Variants in CCDC178 observed in about 807,000 individuals in gnomAD.
CCDC178 encodes the protein coiled-coil domain-containing protein 178.
Under a neutral mutation model 117.4 loss-of-function variants are expected in CCDC178, and 126 were observed. The observed-to-expected ratio is 1.07, with a 90% CI of 0.93 to 1.24. The LOEUF (loss-of-function observed/expected upper bound fraction) is 1.24. Among genes scored for constraint, CCDC178 ranks in the 50% most tolerant of loss-of-function variants. CCDC178 has a pLI of 0.00. For synonymous variants in CCDC178, 283 were observed against 313.4 expected, an observed-to-expected ratio of 0.90 and a Z score of 1.02; for missense variants, 1,030 against 986.9, an observed-to-expected ratio of 1.04 and a Z score of -0.59.
At chr18:33,362,875 C>T (rs1342796387) in intron 6 of CCDC178, among the ~76,000 whole-genome samples, 6 of 151,940 alleles carry the variant, frequency 3.9e-5, no homozygotes, top group Admixed American at 1.3e-4. Flanking sequence ...CTAAATGTTA[C>T]GGAGTTGCTC....
intron 21 of CCDC178, among the ~76,000 whole-genome samples, chr18:33,076,593 A>G (rs1373499596): frequency 6.6e-6 from 1 of 152,084 alleles, no homozygotes; most frequent in Admixed American, 6.6e-5. Context: ...TGTGTGATAT[A>G]TTTGTCAGCA....
chr18:32,982,411 A>G (rs1037105031), intron 21 of CCDC178, among the ~76,000 whole-genome samples: 3 of 152,154 alleles, frequency 2.0e-5, no homozygotes, highest in Non-Finnish European at 2.9e-5. Context: ...CTGAAAACAA[A>G]AAGTCCTTTA....
intron 14 of CCDC178, among the ~76,000 whole-genome samples, chr18:33,246,042 G>A (rs1013501891): frequency 4.6e-5 from 7 of 151,720 alleles, no homozygotes; most frequent in Non-Finnish European, 8.8e-5. Flanking sequence ...ATAAAGCAAT[G>A]GTTCTCAACA....
chr18:33,427,966 T>C (rs1278880004), intron 2 of CCDC178, among the ~76,000 whole-genome samples: 1 of 152,250 alleles, frequency 6.6e-6, no homozygotes, highest in Non-Finnish European at 1.5e-5. Flanking sequence ...AAATATAAAG[T>C]ACTTACATCA....
rs923437576 is a variant in CCDC178 at position 33,339,194 on chromosome 18, A to C, written c.659-5800T>G. Among the ~76,000 whole-genome samples the C allele has an allele frequency of 6.6e-5, 10 of 152,108 alleles. No individual in the cohort carries two copies. The South Asian group carries it at 1.2e-3, about 19-fold the overall frequency. Reference sequence around the variant, plus strand: ...CAAAGCATCTAATTTATAAAAAGAGAAATATAGAGGTTTAAATTATTCCCA... The same window carrying C: ...CAAAGCATCTAATTTATAAAAAGAGCAATATAGAGGTTTAAATTATTCCCA... On this transcript the variant is annotated intron_variant, in intron 9 of 22. Coordinates refer to ENST00000383096, the MANE Select transcript of CCDC178 (RefSeq NM_001105528.4).
In CCDC178 at chr18:33,370,187, C is replaced by A. The variant is rs138740715; in HGVS notation, c.211G>T (p.Val71Leu). ...TAGCTAAAGTAAATGCCTTTATTCA[C>A]CCCTAAAGAGAACAAATAGAAGTTC... Reference protein sequence around the residue: ...HESKMTNTEGVNKGIYFSYPC... With the variant: ...HESKMTNTEGLNKGIYFSYPC... The change falls in exon 6 of 23, where the codon GTG becomes TTG. Residue 71 changes from valine (V) to leucine (L), a missense_variant and splice_region_variant. Physicochemically the swap from Val to Leu is conservative, Grantham distance 32. Coordinates refer to ENST00000383096, the MANE Select transcript of CCDC178 (RefSeq NM_001105528.4). 5 of 1,592,078 alleles carry A rather than the reference C, an allele frequency of 3.1e-6. No individual in the cohort carries two copies. The Admixed American group carries it at 9.1e-5, about 29-fold the overall frequency.
At chr18:32,955,477 C>A (rs2054574803) in intron 22 of CCDC178, among the ~76,000 whole-genome samples, 1 of 152,060 alleles carries the variant, frequency 6.6e-6, no homozygotes, top group Non-Finnish European at 1.5e-5. Flanking sequence ...ATTGACATTG[C>A]CTCTTAGCTG....
At chr18:33,248,739 G>C (rs1294622153) in intron 14 of CCDC178, among the ~76,000 whole-genome samples, 2 of 152,060 alleles carry the variant, frequency 1.3e-5, no homozygotes, top group Admixed American at 6.6e-5. Flanking sequence ...GTTTGCATGT[G>C]TCTTTATAGC....
At chr18:33,361,816 G>T (rs1274606787) in intron 6 of CCDC178, among the ~76,000 whole-genome samples, 1 of 151,684 alleles carries the variant, frequency 6.6e-6, no homozygotes, top group East Asian at 1.9e-4. Flanking sequence ...GTTGGTGAGG[G>T]TATGGAGAAA....
intron 20 of CCDC178, among the ~76,000 whole-genome samples, chr18:33,095,641 T>C (rs1598878303): frequency 6.6e-6 from 1 of 151,942 alleles, no homozygotes; most frequent in Non-Finnish European, 1.5e-5. Flanking sequence ...TTCAGAAATA[T>C]ATATATTGTG....
chr18:33,176,661 T>G (rs1489034299), intron 20 of CCDC178, among the ~76,000 whole-genome samples: 2 of 152,302 alleles, frequency 1.3e-5, no homozygotes, highest in East Asian at 3.9e-4. Context: ...TTCTTTTCCT[T>G]CCTATCCTCC....
At chr18:33,116,022 C>T (rs1413637147) in intron 20 of CCDC178, among the ~76,000 whole-genome samples, 2 of 151,954 alleles carry the variant, frequency 1.3e-5, no homozygotes, top group Admixed American at 6.6e-5. Context: ...CAAAATATTC[C>T]TAATTTTTTC....
At chr18:33,119,287 T>C (rs2057903035) in intron 20 of CCDC178, among the ~76,000 whole-genome samples, 1 of 152,104 alleles carries the variant, frequency 6.6e-6, no homozygotes, top group Non-Finnish European at 1.5e-5. Context: ...GCAATTTACT[T>C]ATCTGACAAA....
intron 21 of CCDC178, among the ~76,000 whole-genome samples, chr18:33,051,176 T>C (rs1469226263): frequency 1.3e-5 from 2 of 152,146 alleles, no homozygotes; most frequent in African/African-American, 4.8e-5. Context: ...GCTCCCAAAG[T>C]TCTGGGATTA....
chr18:32,982,245 C>T (rs538755631), intron 21 of CCDC178, among the ~76,000 whole-genome samples: 23 of 152,160 alleles, frequency 1.5e-4, no homozygotes, highest in African/African-American at 3.6e-4. Flanking sequence ...AGAAAGGGAA[C>T]GTTTCAAGGA....
At chr18:33,010,044 A>C (rs976265798) in intron 21 of CCDC178, among the ~76,000 whole-genome samples, 1 of 152,160 alleles carries the variant, frequency 6.6e-6, no homozygotes, top group Admixed American at 6.5e-5. Context: ...CCTACCTCAC[A>C]CCGTCAAAGT....
chr18:32,974,781 C>A, intron 21 of CCDC178, 100 bp from the exon 22 acceptor site: 1 of 1,192,564 alleles, frequency 8.4e-7, no homozygotes, highest in South Asian at 1.4e-5. Context: ...AGAAAGCAGT[C>A]AATAGCCCAT....
At chr18:33,086,425 T>C (rs149392483) in intron 21 of CCDC178, among the ~76,000 whole-genome samples, 2,405 of 147,914 alleles carry the variant, frequency 0.016, 22 homozygotes, top group African/African-American at 0.025. Context: ...TAAATATATA[T>C]ACACACACAC....
chr18:33,295,051 C>G (rs1242868694), intron 11 of CCDC178, among the ~76,000 whole-genome samples: 1 of 152,072 alleles, frequency 6.6e-6, no homozygotes, highest in Non-Finnish European at 1.5e-5. Flanking sequence ...ATCACTCTAC[C>G]TGTTGTTAGG....
Sources: allele counts gnomAD v4.1 joint callset (sites outside exome capture counted in the v4.1 genomes callset), GRCh38; gene constraint gnomAD v4.1.1; transcripts MANE v1.5; gene names NCBI Gene and HGNC (gene_info 2026-07-23, HGNC 2026-07-21).